Variants in PPARD observed in about 807,000 individuals in gnomAD.
PPARD encodes peroxisome proliferator-activated receptor delta.
PPARD carries 6 observed loss-of-function variants against 39.5 expected under a neutral mutation model. The observed-to-expected ratio is 0.15, with a 90% CI of 0.08 to 0.30. The LOEUF (loss-of-function observed/expected upper bound fraction) is 0.30, where lower values mean the gene tolerates loss of function less well. PPARD is among the 10% of genes least tolerant of loss of function. The probability of loss-of-function intolerance (pLI) is 1.00; values close to 1 mark genes in which losing one functional copy is unlikely to be tolerated. For missense variants in PPARD, 397 were observed against 596.8 expected, an observed-to-expected ratio of 0.67 and a Z score of 3.49; for synonymous variants, 210 against 231.3, an observed-to-expected ratio of 0.91 and a Z score of 0.83.
At chr6:35,375,349 C>T (rs1236922398) in intron 2 of PPARD, among the ~76,000 whole-genome samples, 1 of 151,154 alleles carries the variant, frequency 6.6e-6, no homozygotes, top group Non-Finnish European at 1.5e-5. Context: ...TCCCAAGTAG[C>T]TGGGACTACA....
At chr6:35,381,897 A>G (rs1250631943) in intron 2 of PPARD, among the ~76,000 whole-genome samples, 1 of 152,236 alleles carries the variant, frequency 6.6e-6, no homozygotes, top group African/African-American at 2.4e-5. Flanking sequence ...GAGGGAAGAC[A>G]TAGATAAGTA....
At chr6:35,421,556 T>A (rs1201277526) in intron 4 of PPARD, among the ~76,000 whole-genome samples, 1 of 151,258 alleles carries the variant, frequency 6.6e-6, no homozygotes, top group African/African-American at 2.4e-5. Flanking sequence ...GCCAGGCTGG[T>A]CTCAAACTCC....
intron 2 of PPARD, among the ~76,000 whole-genome samples, chr6:35,405,573 A>G (rs1020805647): frequency 3.3e-5 from 5 of 151,994 alleles, no homozygotes; most frequent in African/African-American, 1.2e-4. Context: ...ACCAAAAAAA[A>G]AAAAAGCCAG....
intron 2 of PPARD, among the ~76,000 whole-genome samples, chr6:35,351,156 G>A (rs899794158): frequency 7.2e-5 from 11 of 152,026 alleles, no homozygotes; most frequent in African/African-American, 2.2e-4. Flanking sequence ...CTCCCGAGTA[G>A]CTGGGACTAC....
intron 1 of PPARD, 63 bp from the exon 2 acceptor site, chr6:35,347,004 A>T (rs1244216809): frequency 2.0e-6 from 2 of 999,788 alleles, no homozygotes; most frequent in Non-Finnish European, 2.9e-6. Context: ...AACTTATTAG[A>T]GTTGCTTTGA....
intron 2 of PPARD, among the ~76,000 whole-genome samples, chr6:35,364,456 C>T (rs11969812): frequency 3.7e-4 from 49 of 131,516 alleles, no homozygotes; most frequent in African/African-American, 1.1e-3. Context: ...TTTTTTGAGA[C>T]GGCATCTTGC....
rs1029611703 is a variant in PPARD at position 35,401,635 on chromosome 6, G to A, written c.-101-9352G>A. Among the ~76,000 whole-genome samples, 7 of 152,144 alleles carry A rather than the reference G, an allele frequency of 4.6e-5. No individual in the cohort carries two copies. The highest frequency in any genetic ancestry group is 8.8e-5 in the Non-Finnish European group (6 of 68,030). ...ATCACCCTGGAATCCCACTCAGCCT[G>A]CCTGGGCCAGAGGCTACGTAAGGTC... On this transcript the variant is annotated intron_variant, in intron 2 of 7. Coordinates refer to ENST00000360694, the MANE Select transcript of PPARD (RefSeq NM_006238.5). The surrounding 1 kb of genome is among the most constrained non-coding windows in gnomAD (Gnocchi z 4.1).
At chr6:35,388,025 CT>C (rs199635143) in intron 2 of PPARD, among the ~76,000 whole-genome samples, 21,692 of 136,424 alleles carry the variant, frequency 0.16, 3,488 homozygotes, top group African/African-American at 0.42. Flanking sequence ...CCTGGCCATT[CT>C]TTTTTTTTTT....
At chr6:35,380,459 GTTTT>G (rs11334296) in intron 2 of PPARD, among the ~76,000 whole-genome samples, 17 of 97,154 alleles carry the variant, frequency 1.7e-4, no homozygotes, top group African/African-American at 5.4e-4. Context: ...TTAACCTCGT[GTTTT>G]TTTTTTTTGT....
intron 2 of PPARD, among the ~76,000 whole-genome samples, chr6:35,386,538 T>C (rs182269188): frequency 1.3e-5 from 2 of 152,098 alleles, no homozygotes; most frequent in East Asian, 3.9e-4. Flanking sequence ...TACTTGGCTT[T>C]TTGGATCTTG....
Position 35,412,847 on chromosome 6 carries a change from G to C in PPARD, c.130+1630G>C, listed in dbSNP as rs1765516922. 6.6e-6 allele frequency among the ~76,000 whole-genome samples: 1 copy of C among 152,210 alleles called. No individual in the cohort carries two copies. The highest frequency in any genetic ancestry group is 1.5e-5 in the Non-Finnish European group (1 of 68,044). On this transcript the variant is annotated intron_variant, in intron 3 of 7. Transcript: ENST00000360694. The surrounding 1 kb of genome is among the most constrained non-coding windows in gnomAD (Gnocchi z 4.1). The stretch of plus-strand genomic sequence containing the variant: ...TGGAGACACAGCCTGTCTCAGAAGA[G>C]AGGAACAGCTAACCAGGAGTGATAA...
intron 1 of PPARD, among the ~76,000 whole-genome samples, chr6:35,343,718 G>T (rs568534955): frequency 1.3e-5 from 2 of 152,322 alleles, no homozygotes; most frequent in African/African-American, 4.8e-5. Context: ...GGAACCCTTG[G>T]GGGAGACGGC....
At chr6:35,421,767 A>G (rs1424045111) in intron 4 of PPARD, 53 bp from the exon 5 acceptor site, 1 of 1,544,814 alleles carries the variant, frequency 6.5e-7, no homozygotes, top group Non-Finnish European at 8.8e-7. Flanking sequence ...CCTTTGGCAC[A>G]GCCTCCCTCC....
intron 2 of PPARD, among the ~76,000 whole-genome samples, chr6:35,355,598 CTTTTTTT>C (rs1166499750): frequency 9.0e-5 from 3 of 33,462 alleles, no homozygotes; most frequent in Admixed American, 5.0e-4. Context: ...TCTTCTTCTT[CTTTTTTT>C]TTTTTTTTTT....
intron 1 of PPARD, among the ~76,000 whole-genome samples, chr6:35,346,273 C>T (rs562901246): frequency 3.0e-4 from 45 of 152,294 alleles, no homozygotes; most frequent in South Asian, 1.9e-3. Flanking sequence ...AACAGTGGTG[C>T]CTTGCTCCAG....
intron 2 of PPARD, among the ~76,000 whole-genome samples, chr6:35,365,083 T>TATAA (rs1321977556): frequency 1.3e-5 from 2 of 151,804 alleles, no homozygotes; most frequent in Non-Finnish European, 2.9e-5. Flanking sequence ...CTTCACTTAT[T>TATAA]ATATCTTGGC....
At chr6:35,362,088 C>G (rs1043788104) in intron 2 of PPARD, among the ~76,000 whole-genome samples, 7 of 152,070 alleles carry the variant, frequency 4.6e-5, no homozygotes, top group Non-Finnish European at 1.0e-4. Context: ...TAAGTGGCTG[C>G]TTTGATATAT....
At chr6:35,362,569 T>C (rs1277766161) in intron 2 of PPARD, among the ~76,000 whole-genome samples, 1 of 151,630 alleles carries the variant, frequency 6.6e-6, no homozygotes, top group Non-Finnish European at 1.5e-5. Flanking sequence ...ACAGACAGTA[T>C]ATAGGAAGGG....
rs1765395693 is a variant in PPARD at position 35,411,115 on chromosome 6, G to A, written c.28G>A (p.Glu10Lys). 1 of 1,574,748 alleles carries A rather than the reference G, an allele frequency of 6.4e-7. No homozygotes were observed. Among genetic ancestry groups the A allele is most frequent in the Non-Finnish European group, 8.6e-7 (1 of 1,158,988 alleles). MEQPQEEAP[E>K]VREEEEKEEV... The stretch of plus-strand genomic sequence containing the variant: ...GGAGCAGCCACAGGAGGAAGCCCCT[G>A]AGGTCCGGGAAGAGGAGGAGAAAGA... Residue 10 changes from glutamate to lysine, a missense_variant, in exon 3 of 8, where the codon GAG becomes AAG. Coordinates refer to ENST00000360694, the MANE Select transcript of PPARD (RefSeq NM_006238.5).
Sources: allele counts gnomAD v4.1 joint callset (sites outside exome capture counted in the v4.1 genomes callset), GRCh38; gene constraint gnomAD v4.1.1; non-coding constraint Gnocchi (gnomAD v3.1); transcripts MANE v1.5; gene names NCBI Gene and HGNC (gene_info 2026-07-23, HGNC 2026-07-21).